TYW1B: variants seen among roughly 807,000 people sequenced by gnomAD.
TYW1B encodes the protein S-adenosyl-L-methionine-dependent tRNA 4-demethylwyosine synthase TYW1B.
TYW1B carries 73 observed loss-of-function variants against 86.9 expected under a neutral mutation model. That is an observed-to-expected ratio of 0.84 (90% CI 0.70 to 1.02). The LOEUF (loss-of-function observed/expected upper bound fraction) is 1.02. Among genes scored for constraint, TYW1B ranks in the 50% least tolerant of loss-of-function variants. The pLI, the probability that TYW1B is intolerant of heterozygous loss-of-function variation, is 0.00. For synonymous variants in TYW1B, 248 were observed against 292.8 expected (o/e 0.85, Z 1.56); for missense variants, 637 against 827.4 (o/e 0.77, Z 2.82).
At chr7:72,601,806 C>A (rs1273514062) in intron 13 of TYW1B, among the ~76,000 whole-genome samples, 1 of 144,026 alleles carries the variant, frequency 6.9e-6, no homozygotes, top group Non-Finnish European at 1.5e-5. Flanking sequence ...GATAAAACTA[C>A]ATAGTATATA....
intron 8 of TYW1B, among the ~76,000 whole-genome samples, chr7:72,737,418 T>C (rs1397225732): frequency 1.3e-5 from 2 of 152,180 alleles, no homozygotes; most frequent in Non-Finnish European, 2.9e-5. Context: ...TGGGTAAATG[T>C]ACTGCTCAAG....
chr7:72,656,257 C>T (rs544027232), intron 11 of TYW1B, among the ~76,000 whole-genome samples: 1 of 152,266 alleles, frequency 6.6e-6, no homozygotes, highest in South Asian at 2.1e-4. Context: ...CTGCTGCACC[C>T]ACCCAGAACT....
At chr7:72,751,810 C>T (rs754589532) in intron 7 of TYW1B, among the ~76,000 whole-genome samples, 17 of 152,304 alleles carry the variant, frequency 1.1e-4, no homozygotes, top group Non-Finnish European at 2.2e-4. Context: ...CAGGTCCTGG[C>T]CTACTTCTAT....
At chr7:72,644,826 CTTTTTTTTT>C in intron 11 of TYW1B, among the ~76,000 whole-genome samples, 1 of 119,616 alleles carries the variant, frequency 8.4e-6, no homozygotes, top group East Asian at 2.3e-4. Context: ...CATGACTTTC[CTTTTTTTTT>C]TTTTTTTTTT....
intron 12 of TYW1B, among the ~76,000 whole-genome samples, chr7:72,626,611 C>G (rs1395978247): frequency 6.6e-6 from 1 of 152,182 alleles, no homozygotes; most frequent in African/African-American, 2.4e-5. Flanking sequence ...GTTTCGCCAT[C>G]CACGCAATGG....
intron 9 of TYW1B, among the ~76,000 whole-genome samples, chr7:72,721,547 CAT>C (rs782048571): frequency 2.7e-4 from 41 of 152,214 alleles, no homozygotes; most frequent in Admixed American, 1.2e-3. Flanking sequence ...AAAGAGTCCA[CAT>C]GAGACACAGG....
chr7:72,612,494 C>T (rs1191698093), intron 13 of TYW1B, among the ~76,000 whole-genome samples: 4 of 152,108 alleles, frequency 2.6e-5, no homozygotes, highest in South Asian at 2.1e-4. Flanking sequence ...TGGTAAGAAG[C>T]GAGATACTGC....
chr7:72,592,160 TAAAAAAAAA>T (rs56146824), intron 13 of TYW1B, among the ~76,000 whole-genome samples: 1 of 103,398 alleles, frequency 9.7e-6, no homozygotes, highest in Non-Finnish European at 1.9e-5. Context: ...ACTAATGTGT[TAAAAAAAAA>T]AAAAAAAAAA....
Position 72,694,822 on chromosome 7 carries a change from C to A in TYW1B, c.1371G>T (p.Arg457Ser). 1 of 1,579,414 alleles carries A rather than the reference C, an allele frequency of 6.3e-7. No homozygotes were observed. The highest frequency in any genetic ancestry group is 8.5e-7 in the Non-Finnish European group (1 of 1,170,970). Residue 457 changes from arginine (R) to serine (S), a missense_variant and splice_region_variant, in exon 11 of 14, where the codon AGG becomes AGT. Arg to Ser is a moderately radical substitution (Grantham distance 110). Coordinates refer to ENST00000620995, the MANE Select transcript of TYW1B (RefSeq NM_001145440.3). The part of the protein sequence containing the change: ...VTNAQFPAEI[R>S]NLEPVTQLYV... The stretch of plus-strand genomic sequence containing the variant: ...ACAGCTGAGTAACTGGCTCGAGGTT[C>A]CTTAGTAATTTTTTTTTTTAAAGGA...
At chr7:72,672,873 A>G (rs1813643206) in intron 11 of TYW1B, among the ~76,000 whole-genome samples, 1 of 152,252 alleles carries the variant, frequency 6.6e-6, no homozygotes, top group East Asian at 1.9e-4. Context: ...AAGATTTCAA[A>G]AGATCCATAA....
chr7:72,692,389 C>G (rs1467624875), intron 11 of TYW1B, among the ~76,000 whole-genome samples: 1 of 151,524 alleles, frequency 6.6e-6, no homozygotes, highest in African/African-American at 2.4e-5. Flanking sequence ...GCAGCATGTG[C>G]CTGTGGTCCC....
At chr7:72,817,849 G>A (rs1206878660) in intron 2 of TYW1B, among the ~76,000 whole-genome samples, 5 of 152,096 alleles carry the variant, frequency 3.3e-5, no homozygotes, top group African/African-American at 4.8e-5. Context: ...CTATGCAAAT[G>A]AAGAATTGGC....
chr7:72,797,950 C>T (rs528075772), intron 6 of TYW1B, among the ~76,000 whole-genome samples: 11 of 151,254 alleles, frequency 7.3e-5, no homozygotes, highest in East Asian at 1.9e-4. Context: ...TGCCACAGAT[C>T]GATGTCAGAA....
intron 8 of TYW1B, among the ~76,000 whole-genome samples, chr7:72,742,786 T>C (rs1417422948): frequency 6.6e-6 from 1 of 151,998 alleles, no homozygotes; most frequent in Non-Finnish European, 1.5e-5. Flanking sequence ...ATCAAAACAA[T>C]ATTTTTAATA....
chr7:72,781,987 A>ATT (rs782414777), intron 6 of TYW1B, among the ~76,000 whole-genome samples: 2 of 152,220 alleles, frequency 1.3e-5, no homozygotes, highest in Non-Finnish European at 2.9e-5. Context: ...TTTGTTTTAA[A>ATT]TATCATATAA....
rs189631930 is a variant in TYW1B at position 72,715,398 on chromosome 7, A to C, written c.1193-1600T>G. ...TCTAAAGGGCTCTCCGTGTGATTCC[A>C]GCATGCAGCTTGGTTTGTCAGGTAC... On this transcript the variant is annotated intron_variant, in intron 9 of 13. Transcript: ENST00000620995. 6.7e-3 allele frequency among the ~76,000 whole-genome samples: 1,024 copies of C among 152,324 alleles called. 13 individuals are homozygous for C. Among genetic ancestry groups the C allele is most frequent in the African/African-American group, 0.021 (882 of 41,578 alleles).
chr7:72,749,809 T>C (rs1787465792), intron 7 of TYW1B, among the ~76,000 whole-genome samples: 1 of 151,504 alleles, frequency 6.6e-6, no homozygotes, highest in South Asian at 2.1e-4. Context: ...TCATTTCTAA[T>C]GTAAGAATTT....
At chr7:72,653,942 T>C (rs1224708914) in intron 11 of TYW1B, among the ~76,000 whole-genome samples, 2 of 151,864 alleles carry the variant, frequency 1.3e-5, no homozygotes, top group Admixed American at 1.3e-4. Flanking sequence ...TAGCCACATG[T>C]GGTGGCGCAC....
intron 7 of TYW1B, among the ~76,000 whole-genome samples, chr7:72,756,153 A>G (rs1280468112): frequency 6.6e-6 from 1 of 152,178 alleles, no homozygotes; most frequent in Non-Finnish European, 1.5e-5. Flanking sequence ...GTAAAAAGTC[A>G]AGCATGGTTG....
Sources: allele counts gnomAD v4.1 joint callset (sites outside exome capture counted in the v4.1 genomes callset), GRCh38; gene constraint gnomAD v4.1.1; transcripts MANE v1.5; gene names NCBI Gene and HGNC (gene_info 2026-07-23, HGNC 2026-07-21).